Variants in PCDHB5 observed in about 807,000 individuals in gnomAD.
The protein encoded by PCDHB5 is protocadherin beta 5.
For synonymous variants in PCDHB5, 569 were observed against 462.2 expected (o/e 1.23, Z -2.96); for missense variants, 1,125 against 1,029.4 (o/e 1.09, Z -1.27).
rs1488135213 is a variant in PCDHB5 at position 141,136,260 on chromosome 5, A to G, written c.826A>G (p.Ser276Gly). The G allele has an allele frequency of 6.2e-7, 1 of 1,614,038 alleles. No individual in the cohort carries two copies. Among genetic ancestry groups the G allele is most frequent in the Non-Finnish European group, 8.5e-7 (1 of 1,180,008 alleles). ...AGATTTAGATGCAGGAGCATATGGG[A>G]GTGTAGCCTATGCTCTATTCCAAGG... ...ARDLDAGAYG[S>G]VAYALFQGDE... Residue 276 changes from serine to glycine, a missense_variant, in exon 1 of 1, where the codon AGT becomes GGT. Physicochemically the swap from Ser to Gly is moderately conservative, Grantham distance 56. Transcript: ENST00000231134.
At position 141,138,174 on chromosome 5, in the gene PCDHB5, AT is replaced by A. The variant is rs1447181416; in HGVS notation, c.*355del. 1 of 188,760 alleles carries A rather than the reference AT, an allele frequency of 5.3e-6. No homozygotes were observed. The highest frequency in any genetic ancestry group is 1.1e-5 in the Non-Finnish European group (1 of 87,712). 11.7% of individuals were successfully genotyped at this position (188,760 alleles called of 1,614,324 possible). A position where few individuals can be genotyped will look rare whatever the true frequency, so the allele number is the denominator to read the frequency against. On this transcript the variant is annotated 3_prime_UTR_variant, in exon 1 of 1. Coordinates refer to ENST00000231134, the MANE Select transcript of PCDHB5 (RefSeq NM_015669.5). ...TTCATCACACTCTTAAGTATTATAT[AT>A]TTGATGCTAAAATGCAAAAATTAAA... is the stretch of plus-strand genomic sequence containing the variant.
rs537663389 is a variant in PCDHB5 at position 141,137,009 on chromosome 5, G to A, written c.1575G>A (p.Ala525=). Residue 525 remains alanine, a synonymous_variant, in exon 1 of 1, where the codon GCG becomes GCA. Coordinates refer to ENST00000231134, the MANE Select transcript of PCDHB5 (RefSeq NM_015669.5). ...CGCTGGACTACGAGGCCCTGCAGGC[G>A]TTCGAGTTCCGCGTGGGAGCCACAG... ...LRSLDYEALQ[A]FEFRVGATDR... The A allele has an allele frequency of 3.1e-5, 50 of 1,612,202 alleles. No individual in the cohort carries two copies. In the African/African-American group the frequency reaches 6.1e-4, roughly 20 times the overall value.
Position 141,137,685 on chromosome 5 carries a change from G to A in PCDHB5, c.2251G>A (p.Glu751Lys), listed in dbSNP as rs782301396. 4.3e-6 allele frequency: 7 copies of A among 1,614,106 alleles called. No individual in the cohort carries two copies. Among genetic ancestry groups the A allele is most frequent in the South Asian group, 2.2e-5 (2 of 91,082 alleles). Reference protein sequence around the residue: ...TGTLSQSYHYEVCLTGDSGAG... With the variant: ...TGTLSQSYHYKVCLTGDSGAG... ...GACCCTATCCCAGAGCTACCACTAC[G>A]AGGTGTGTTTGACCGGAGACTCAGG... Residue 751 changes from glutamate to lysine, a missense_variant, in exon 1 of 1, where the codon GAG (glutamate) becomes AAG (lysine). Coordinates refer to ENST00000231134, the MANE Select transcript of PCDHB5 (RefSeq NM_015669.5).
Position 141,137,776 on chromosome 5 carries a change from A to G in PCDHB5, c.2342A>G (p.Glu781Gly). The G allele has an allele frequency of 6.2e-7, 1 of 1,613,310 alleles. No homozygotes were observed. Among genetic ancestry groups the G allele is most frequent in the Non-Finnish European group, 8.5e-7 (1 of 1,179,580 alleles). Residue 781 changes from glutamate to glycine, a missense_variant, in exon 1 of 1, where the codon GAA (glutamate) becomes GGA (glycine). Physicochemically the swap from Glu to Gly is moderately conservative, Grantham distance 98. Coordinates refer to ENST00000231134, the MANE Select transcript of PCDHB5 (RefSeq NM_015669.5). Reference protein sequence around the residue: ...PNLLPQGAGEEIGKTAAFRNS... With the variant: ...PNLLPQGAGEGIGKTAAFRNS... ...CTTTTGCCCCAGGGCGCTGGTGAAG[A>G]AATAGGGAAAACTGCTGCCTTCCGG...
chr5:141,137,736 C>G lies in PCDHB5; in HGVS notation c.2302C>G (p.Pro768Ala). The G allele has an allele frequency of 1.2e-6, 2 of 1,614,216 alleles. No individual in the cohort carries two copies. The highest frequency in any genetic ancestry group is 1.7e-6 in the Non-Finnish European group (2 of 1,180,040). The change falls in exon 1 of 1, where the codon CCG (proline) becomes GCG (alanine). Residue 768 changes from proline (P) to alanine (A), a missense_variant. Coordinates refer to ENST00000231134, the MANE Select transcript of PCDHB5 (RefSeq NM_015669.5). Reference protein sequence around the residue: ...SGAGEFKFLKPIIPNLLPQGA... With the variant: ...SGAGEFKFLKAIIPNLLPQGA... Reference sequence around the variant, plus strand: ...GGCCGGCGAGTTCAAGTTCCTGAAGCCGATTATTCCTAACCTTTTGCCCCA... The same window carrying G: ...GGCCGGCGAGTTCAAGTTCCTGAAGGCGATTATTCCTAACCTTTTGCCCCA...
chr5:141,137,464 C>A lies in PCDHB5; in HGVS notation c.2030C>A (p.Pro677Gln). ...TACCTGCCGCTGCCGGAGGCGGCCC[C>A]GGCCCAGGCCCAGGCCGACTCGCTC... ...QPYLPLPEAAPAQAQADSLTV... is the reference protein window; with the variant it reads ...QPYLPLPEAAQAQAQADSLTV... Residue 677 changes from proline to glutamine, a missense_variant, in exon 1 of 1, where the codon CCG becomes CAG. By Grantham distance (76) the Pro-to-Gln change is moderately conservative. Transcript: ENST00000231134. 6.2e-7 allele frequency: 1 copy of A among 1,612,606 alleles called. No individual in the cohort carries two copies. The highest frequency in any genetic ancestry group is 8.5e-7 in the Non-Finnish European group (1 of 1,179,694).
chr5:141,137,602 G>T lies in PCDHB5; in HGVS notation c.2168G>T (p.Arg723Leu). ...AGGAGCAGGGCGGCCCCGGTCGGTC[G>T]CTGCTCGGTGCCCGAGGGCCCCTTT... ...CRRSRAAPVGRCSVPEGPFPG... is the reference protein window; with the variant it reads ...CRRSRAAPVGLCSVPEGPFPG... Residue 723 changes from arginine (R) to leucine (L), a missense_variant, in exon 1 of 1, where the codon CGC becomes CTC. Coordinates refer to ENST00000231134, the MANE Select transcript of PCDHB5 (RefSeq NM_015669.5). 1 of 1,613,298 alleles carries T rather than the reference G, an allele frequency of 6.2e-7. No homozygotes were observed. Among genetic ancestry groups the T allele is most frequent in the Non-Finnish European group, 8.5e-7 (1 of 1,180,032 alleles).
At position 141,136,286 on chromosome 5, in the gene PCDHB5, C is replaced by T. The variant is rs782505661; in HGVS notation, c.852C>T (p.Gly284=). 84 of 1,613,978 alleles carry T rather than the reference C, an allele frequency of 5.2e-5. No individual in the cohort carries two copies. The highest frequency in any genetic ancestry group is 6.9e-5 in the Non-Finnish European group (81 of 1,180,010). The change falls in exon 1 of 1, where the codon GGC becomes GGT. Residue 284 remains glycine (G), a synonymous_variant. Transcript: ENST00000231134. ...GTGTAGCCTATGCTCTATTCCAAGG[C>T]GATGAAGTTACTCAACCATTTGTAA... is the stretch of plus-strand genomic sequence containing the variant. ...YGSVAYALFQ[G]DEVTQPFVID...
Position 141,136,089 on chromosome 5 carries a change from G to GCTC in PCDHB5, c.657_659dup (p.Pro221dup). The GCTC allele has an allele frequency of 6.2e-7, 1 of 1,614,120 alleles. No individual in the cohort carries two copies. The highest frequency in any genetic ancestry group is 8.5e-7 in the Non-Finnish European group (1 of 1,179,952). On this transcript the variant is annotated inframe_insertion, in exon 1 of 1. Transcript: ENST00000231134. ...AACACTCACTGCACTGGACGGTGGG[G>GCTC]CTCCGCCCAGGTCCGGGACCACCAC... is the stretch of plus-strand genomic sequence containing the variant.
In PCDHB5 at chr5:141,137,291, C is replaced by G. The variant is rs1554276165; in HGVS notation, c.1857C>G (p.His619Gln). Residue 619 changes from histidine to glutamine, a missense_variant, in exon 1 of 1, where the codon CAC becomes CAG. Coordinates refer to ENST00000231134, the MANE Select transcript of PCDHB5 (RefSeq NM_015669.5). ...CCGGGCTGTTCAGCATGTGGGCGCA[C>G]AATGGCGAGGTGCGCACCGCCAGGC... The part of the protein sequence containing the change: ...TEPGLFSMWA[H>Q]NGEVRTARLL... 2 of 1,610,550 alleles carry G rather than the reference C, an allele frequency of 1.2e-6. No homozygotes were observed. The highest frequency in any genetic ancestry group is 2.2e-5 in the South Asian group (2 of 90,972).
rs782157334 is a variant in PCDHB5 at position 141,136,497 on chromosome 5, A to AC, written c.1067dup (p.Glu357ArgfsTer15). ...CACCATGTCTACGCTCTCCAGCCCT[A>AC]CCCCAGAAAATGCCCCGGAAACTGT... is the stretch of plus-strand genomic sequence containing the variant. On this transcript the variant is annotated frameshift_variant, in exon 1 of 1. Coordinates refer to ENST00000231134, the MANE Select transcript of PCDHB5 (RefSeq NM_015669.5). LOFTEE classifies it low-confidence loss of function (END_TRUNC). 6 of 1,613,874 alleles carry AC rather than the reference A, an allele frequency of 3.7e-6. No individual in the cohort carries two copies. In the East Asian group the frequency reaches 1.1e-4, roughly 30 times the overall value.
rs1299109959 is a variant in PCDHB5, at chr5:141,137,840, G to A, written c.*18G>A. On this transcript the variant is annotated 3_prime_UTR_variant, in exon 1 of 1. Transcript: ENST00000231134. ...TAAATTAGAGATCTCGTGATGACGC[G>A]TTGTTTTCTGCCATTTATCCCAAAC... 1.3e-6 allele frequency: 2 copies of A among 1,545,896 alleles called. No individual in the cohort carries two copies. Among genetic ancestry groups the A allele is most frequent in the East Asian group, 2.3e-5 (1 of 44,186 alleles).
chr5:141,138,075 G>A lies in PCDHB5; in HGVS notation c.*253G>A. ...CCTGAGATTTTTTTCTCTTCTTGTTGGTATTTGTTGTGATAAACCACCTTA... is the reference window on the plus strand; with the variant it reads ...CCTGAGATTTTTTTCTCTTCTTGTTAGTATTTGTTGTGATAAACCACCTTA... On this transcript the variant is annotated 3_prime_UTR_variant, in exon 1 of 1. Coordinates refer to ENST00000231134, the MANE Select transcript of PCDHB5 (RefSeq NM_015669.5). 1 of 428,444 alleles carries A rather than the reference G, an allele frequency of 2.3e-6. No homozygotes were observed. Among genetic ancestry groups the A allele is most frequent in the Non-Finnish European group, 4.2e-6 (1 of 236,204 alleles). The allele number at this position is 428,444 out of a possible 1,614,324, so 26.5% of individuals were successfully genotyped here. A position where few individuals can be genotyped will look rare whatever the true frequency, so the allele number is the denominator to read the frequency against.
In PCDHB5 at chr5:141,135,242, C is replaced by G; in HGVS notation, c.-193C>G. ...TAGTGGGCTCTGCGGATAACTCAGA[C>G]GCCATTAAGCTGGGGAATCCAAACT... is the stretch of plus-strand genomic sequence containing the variant. On this transcript the variant is annotated 5_prime_UTR_variant, in exon 1 of 1. Coordinates refer to ENST00000231134, the MANE Select transcript of PCDHB5 (RefSeq NM_015669.5). 1 of 549,274 alleles carries G rather than the reference C, an allele frequency of 1.8e-6. No homozygotes were observed. Among genetic ancestry groups the G allele is most frequent in the South Asian group, 2.6e-5 (1 of 38,020 alleles). The allele number at this position is 549,274 out of a possible 1,614,324, so 34.0% of individuals were successfully genotyped here.
rs782775493 is a variant in PCDHB5 at position 141,137,593 on chromosome 5, C to T, written c.2159C>T (p.Pro720Leu). The change falls in exon 1 of 1, where the codon CCG becomes CTG. Residue 720 changes from proline to leucine, a missense_variant. Physicochemically the swap from Pro to Leu is moderately conservative, Grantham distance 98. Transcript: ENST00000231134. ...VRLCRRSRAA[P>L]VGRCSVPEGP... ...CTGTGCAGGAGGAGCAGGGCGGCCC[C>T]GGTCGGTCGCTGCTCGGTGCCCGAG... The T allele has an allele frequency of 5.0e-6, 8 of 1,612,986 alleles. No individual in the cohort carries two copies. The highest frequency in any genetic ancestry group is 1.9e-4 in the Middle Eastern group (1 of 5,226).
rs1194363220 is a variant in PCDHB5, at chr5:141,135,600, G to C, written c.166G>C (p.Val56Leu). Residue 56 changes from valine to leucine, a missense_variant, in exon 1 of 1, where the codon GTG (valine) becomes CTG (leucine). Transcript: ENST00000231134. ...ANLAKDLGLGVGELATRGARM... is the reference protein window; with the variant it reads ...ANLAKDLGLGLGELATRGARM... The stretch of plus-strand genomic sequence containing the variant: ...CCTGGCAAAAGACCTGGGTCTTGGG[G>C]TGGGGGAACTGGCCACTCGGGGCGC... 6.2e-6 allele frequency: 10 copies of C among 1,614,066 alleles called. No individual in the cohort carries two copies. The highest frequency in any genetic ancestry group is 1.3e-5 in the African/African-American group (1 of 74,930).
In PCDHB5 at chr5:141,135,571, C is replaced by G. The variant is rs781813310; in HGVS notation, c.137C>G (p.Ala46Gly). The change falls in exon 1 of 1, where the codon GCC (alanine) becomes GGC (glycine). Residue 46 changes from alanine to glycine, a missense_variant. Ala to Gly is a moderately conservative substitution (Grantham distance 60). Transcript: ENST00000231134. ...PEETESGYSVANLAKDLGLGV... is the reference protein window; with the variant it reads ...PEETESGYSVGNLAKDLGLGV... ...GAAACAGAAAGTGGCTATTCTGTGG[C>G]CAACCTGGCAAAAGACCTGGGTCTT... 1.2e-6 allele frequency: 2 copies of G among 1,614,122 alleles called. No individual in the cohort carries two copies. Among genetic ancestry groups the G allele is most frequent in the South Asian group, 2.2e-5 (2 of 91,066 alleles).
Position 141,135,350 on chromosome 5 carries a change from A to C in PCDHB5, c.-85A>C. The C allele has an allele frequency of 7.3e-6, 7 of 952,466 alleles. No homozygotes were observed. The highest frequency in any genetic ancestry group is 8.0e-6 in the Non-Finnish European group (5 of 626,144). The allele number at this position is 952,466 out of a possible 1,614,324, so 59.0% of individuals were successfully genotyped here. A position where few individuals can be genotyped will look rare whatever the true frequency, so the allele number is the denominator to read the frequency against. ...CGTTCTTGTGGAAATCAGTCAAGAA[A>C]GATCGGATTCGCGGTTATTTATGCA... On this transcript the variant is annotated 5_prime_UTR_variant, in exon 1 of 1. Coordinates refer to ENST00000231134, the MANE Select transcript of PCDHB5 (RefSeq NM_015669.5).
Position 141,137,473 on chromosome 5 carries a change from C to G in PCDHB5, c.2039C>G (p.Ala680Gly). Residue 680 changes from alanine (A) to glycine (G), a missense_variant, in exon 1 of 1, where the codon GCC becomes GGC. Transcript: ENST00000231134. ...CTGCCGGAGGCGGCCCCGGCCCAGG[C>G]CCAGGCCGACTCGCTCACTGTCTAC... ...LPLPEAAPAQAQADSLTVYLV... is the reference protein window; with the variant it reads ...LPLPEAAPAQGQADSLTVYLV... The G allele has an allele frequency of 6.2e-7, 1 of 1,612,684 alleles. No individual in the cohort carries two copies. The highest frequency in any genetic ancestry group is 8.5e-7 in the Non-Finnish European group (1 of 1,179,722).
Sources: allele counts gnomAD v4.1 joint callset, GRCh38; gene constraint gnomAD v4.1.1; transcripts MANE v1.5; gene names NCBI Gene and HGNC (gene_info 2026-07-23, HGNC 2026-07-21).